Variants in OSTF1 observed in about 807,000 individuals in gnomAD.
OSTF1 encodes osteoclast-stimulating factor 1.
A neutral mutation model predicts 37.2 loss-of-function variants in OSTF1; 27 were observed. The observed-to-expected ratio is 0.73, with a 90% CI of 0.54 to 1.00. OSTF1 has a LOEUF of 1.00. OSTF1 is among the 50% of genes least tolerant of loss of function. The pLI is 0.00. For synonymous variants in OSTF1, 82 were observed against 89.2 expected, an observed-to-expected ratio of 0.92 and a Z score of 0.46; for missense variants, 232 against 253.8, an observed-to-expected ratio of 0.91 and a Z score of 0.58.
At chr9:75,118,955 T>C (rs911717182) in intron 2 of OSTF1, among the ~76,000 whole-genome samples, 3 of 152,178 alleles carry the variant, frequency 2.0e-5, no homozygotes, top group Non-Finnish European at 4.4e-5. Context: ...TTCTCTCATA[T>C]ATGCTAGGGA....
intron 9 of OSTF1, among the ~76,000 whole-genome samples, chr9:75,143,209 T>A (rs1009693260): frequency 6.6e-6 from 1 of 152,124 alleles, no homozygotes; most frequent in African/African-American, 2.4e-5. Flanking sequence ...CCAAGGTAGT[T>A]GTTGTCTACT....
intron 1 of OSTF1, 67 bp from the exon 2 acceptor site, chr9:75,117,437 G>T: frequency 9.3e-7 from 1 of 1,072,444 alleles, no homozygotes; most frequent in South Asian, 1.3e-5. Flanking sequence ...AGGATATAAT[G>T]GATAATGCTA....
chr9:75,125,591 AG>A (rs1477766320), intron 2 of OSTF1, among the ~76,000 whole-genome samples: 1 of 152,256 alleles, frequency 6.6e-6, no homozygotes, highest in African/African-American at 2.4e-5. Context: ...AAAGTGTAAA[AG>A]CAATATATAT....
rs1825748431 is a variant in OSTF1, at chr9:75,130,658, G to A, written c.196+17G>A. On this transcript the variant is annotated intron_variant, in intron 4 of 9. Coordinates refer to ENST00000346234, the MANE Select transcript of OSTF1 (RefSeq NM_012383.5). ...GCAACTATGGTAAGTGTTGCTGAGT[G>A]GTTTTACTTTAGCTTCGTTCACTTG... The A allele has an allele frequency of 6.3e-7, 1 of 1,581,900 alleles. No homozygotes were observed. The highest frequency in any genetic ancestry group is 1.7e-5 in the Admixed American group (1 of 59,914).
At chr9:75,095,006 G>T (rs1825047548) in intron 1 of OSTF1, among the ~76,000 whole-genome samples, 1 of 152,062 alleles carries the variant, frequency 6.6e-6, no homozygotes, top group Non-Finnish European at 1.5e-5. Context: ...CTCCAGCCTG[G>T]GTGACAGAGC....
At chr9:75,130,707 T>G (rs568830524) in intron 4 of OSTF1, 66 bp downstream of exon 4, 50 of 961,710 alleles carry the variant, frequency 5.2e-5, no homozygotes, top group Admixed American at 1.0e-4. Flanking sequence ...CTTGATGCTT[T>G]TCTGCTTGCT....
chr9:75,140,779 G>A (rs1825929309), intron 8 of OSTF1, 55 bp from the exon 9 acceptor site: 2 of 1,231,652 alleles, frequency 1.6e-6, no homozygotes, highest in Non-Finnish European at 2.4e-6. Flanking sequence ...GAGAGGATTG[G>A]CTACTACTAT....
rs368962332 is a variant in OSTF1 at position 75,140,877 on chromosome 9, C to T, written c.531C>T (p.Phe177=). 9.3e-6 allele frequency: 15 copies of T among 1,613,644 alleles called. No individual in the cohort carries two copies. The highest frequency in any genetic ancestry group is 6.7e-5 in the African/African-American group (5 of 74,900). ...GAAACATTGAGAAGAAGCTGGCCTT[C>T]GACATGGCTACCAATGCTGCCTGTG... ...DLRNIEKKLA[F]DMATNAACAS... is the part of the protein sequence containing the mutation. Residue 177 remains phenylalanine (F), a synonymous_variant, in exon 9 of 10, where the codon TTC becomes TTT. Transcript: ENST00000346234.
intron 1 of OSTF1, among the ~76,000 whole-genome samples, chr9:75,094,404 G>A (rs1337767305): frequency 6.6e-6 from 1 of 151,682 alleles, no homozygotes; most frequent in Non-Finnish European, 1.5e-5. Context: ...GAAGGTGGGG[G>A]TGGACTCAGA....
intron 1 of OSTF1, among the ~76,000 whole-genome samples, chr9:75,111,661 T>A (rs1342929730): frequency 1.3e-5 from 2 of 152,086 alleles, no homozygotes; most frequent in African/African-American, 4.8e-5. Context: ...TTTTCCTCTT[T>A]GTTATATGTC....
At chr9:75,133,673 A>G (rs7857698) in intron 6 of OSTF1, among the ~76,000 whole-genome samples, 12,159 of 152,262 alleles carry the variant, frequency 0.08, 675 homozygotes, top group African/African-American at 0.16. Flanking sequence ...AACAGCAGTA[A>G]TATAAAAACA....
chr9:75,102,249 A>G (rs2118424833), intron 1 of OSTF1, among the ~76,000 whole-genome samples: 1 of 152,358 alleles, frequency 6.6e-6, no homozygotes, highest in South Asian at 2.1e-4. Context: ...TGCTGGGATT[A>G]CAAGTGTGAT....
At chr9:75,104,133 G>A (rs766297549) in intron 1 of OSTF1, among the ~76,000 whole-genome samples, 7 of 152,102 alleles carry the variant, frequency 4.6e-5, no homozygotes, top group Non-Finnish European at 1.0e-4. Context: ...AGTCTCAGCT[G>A]CTTGGGAGAC....
chr9:75,114,154 TGTG>T (rs968226684), intron 1 of OSTF1, among the ~76,000 whole-genome samples: 1 of 109,422 alleles, frequency 9.1e-6, no homozygotes, highest in Non-Finnish European at 1.8e-5. Context: ...AGTATTCTAT[TGTG>T]TGTGTGTGTG....
intron 9 of OSTF1, among the ~76,000 whole-genome samples, chr9:75,141,339 A>AAAAAAAAACACAAATCC (rs1825941219): frequency 7.6e-6 from 1 of 131,106 alleles, no homozygotes; most frequent in African/African-American, 3.1e-5. Context: ...AAAAAAAAAA[A>AAAAAAAAACACAAATCC]GATAAACTCT....
intron 1 of OSTF1, 137 bp downstream of exon 1, chr9:75,088,863 G>A (rs953294408): frequency 7.6e-6 from 6 of 789,822 alleles, no homozygotes; most frequent in Non-Finnish European, 1.0e-5. Context: ...ACCGGGATGG[G>A]CGCTCTTAGT....
At position 75,088,747 on chromosome 9, in the gene OSTF1, G is replaced by C. The variant is rs201611301; in HGVS notation, c.34+21G>C. On this transcript the variant is annotated intron_variant, in intron 1 of 9. Transcript: ENST00000346234. ...ACCAGGTGAGGGAGGTAAGGTAGGC[G>C]CTTGCCAGGTCCTGCGACCGCCGCG... 1.9e-6 allele frequency: 3 copies of C among 1,599,734 alleles called. No individual in the cohort carries two copies. In the African/African-American group the frequency reaches 4.0e-5, roughly 21 times the overall value.
At chr9:75,146,552 C>A in intron 9 of OSTF1, 131 bp from the exon 10 acceptor site, 1 of 679,024 alleles carries the variant, frequency 1.5e-6, no homozygotes, top group Non-Finnish European at 2.5e-6. Context: ...GAGAAAGATC[C>A]TCAGGGAAAG....
rs200027588 is a variant in OSTF1 at position 75,127,630 on chromosome 9, A to G, written c.132+11A>G. 13 of 1,477,732 alleles carry G rather than the reference A, an allele frequency of 8.8e-6. No individual in the cohort carries two copies. Among genetic ancestry groups the G allele is most frequent in the African/African-American group, 8.4e-5 (6 of 71,376 alleles). The allele number at this position is 1,477,732 out of a possible 1,614,324, so 91.5% of individuals were successfully genotyped here. A position where few individuals can be genotyped will look rare whatever the true frequency, so the allele number is the denominator to read the frequency against. On this transcript the variant is annotated intron_variant, in intron 3 of 9. Coordinates refer to ENST00000346234, the MANE Select transcript of OSTF1 (RefSeq NM_012383.5). Reference sequence around the variant, plus strand: ...TACATTACTGACATGGTAAGTCCAGATAACATCTTGTAATACCACATATAA... The same window carrying G: ...TACATTACTGACATGGTAAGTCCAGGTAACATCTTGTAATACCACATATAA...
Sources: allele counts gnomAD v4.1 joint callset (sites outside exome capture counted in the v4.1 genomes callset), GRCh38; gene constraint gnomAD v4.1.1; transcripts MANE v1.5; gene names NCBI Gene and HGNC (gene_info 2026-07-23, HGNC 2026-07-21).